Variants in TESK2 observed in about 807,000 individuals in gnomAD.
TESK2 encodes the protein dual specificity testis-specific protein kinase 2.
TESK2 carries 39 observed loss-of-function variants against 57.1 expected under a neutral mutation model. The observed-to-expected ratio is 0.68, with a 90% CI of 0.53 to 0.89. The LOEUF is 0.89. Ranked by LOEUF, TESK2 falls within the 40% of genes least tolerant of loss-of-function variation. The pLI, the probability that TESK2 is intolerant of heterozygous loss-of-function variation, is 0.00. For missense variants in TESK2, 646 were observed against 732.1 expected (o/e 0.88, Z 1.36); for synonymous variants, 249 against 267.9 (o/e 0.93, Z 0.69).
At chr1:45,384,482 C>T (rs1557551382) in intron 4 of TESK2, among the ~76,000 whole-genome samples, 1 of 150,972 alleles carries the variant, frequency 6.6e-6, no homozygotes, top group Non-Finnish European at 1.5e-5. Flanking sequence ...TGCAGTGGCA[C>T]AATCATGGCT....
chr1:45,413,154 C>T (rs1650101174), intron 3 of TESK2, among the ~76,000 whole-genome samples: 1 of 152,184 alleles, frequency 6.6e-6, no homozygotes, highest in Admixed American at 6.5e-5. Flanking sequence ...AACAATCAGT[C>T]CCTGCATTCA....
intron 4 of TESK2, among the ~76,000 whole-genome samples, chr1:45,378,159 A>G (rs1460048448): frequency 6.6e-6 from 1 of 152,218 alleles, no homozygotes; most frequent in African/African-American, 2.4e-5. Flanking sequence ...ATGAGTAACA[A>G]CTATTAATAT....
intron 1 of TESK2, among the ~76,000 whole-genome samples, chr1:45,465,458 A>C (rs1341018309): frequency 2.0e-5 from 3 of 150,296 alleles, no homozygotes; most frequent in Non-Finnish European, 3.0e-5. Context: ...AGATGGAAGG[A>C]AGGAAGGAAG....
intron 4 of TESK2, among the ~76,000 whole-genome samples, chr1:45,384,416 T>C (rs1287101022): frequency 2.0e-5 from 3 of 151,364 alleles, no homozygotes; most frequent in African/African-American, 7.3e-5. Context: ...TCTATCTATC[T>C]ATCTATCTAT....
intron 1 of TESK2, among the ~76,000 whole-genome samples, chr1:45,466,835 A>T (rs1652573549): frequency 6.6e-6 from 1 of 151,818 alleles, no homozygotes; most frequent in South Asian, 2.1e-4. Context: ...CTATCTGAAA[A>T]ATGAAAATAA....
intron 10 of TESK2, 98 bp downstream of exon 10, chr1:45,345,779 A>G: frequency 9.3e-7 from 1 of 1,072,136 alleles, no homozygotes. Flanking sequence ...TTGTTTCTGG[A>G]CCTGGGATCC....
chr1:45,349,724 T>C (rs1279289463), intron 5 of TESK2, among the ~76,000 whole-genome samples: 1 of 152,248 alleles, frequency 6.6e-6, no homozygotes, highest in Non-Finnish European at 1.5e-5. Context: ...GCCTCTTCAC[T>C]GGCAAGGAAT....
At chr1:45,387,739 C>T (rs1487101961) in intron 3 of TESK2, among the ~76,000 whole-genome samples, 1 of 152,122 alleles carries the variant, frequency 6.6e-6, no homozygotes, top group African/African-American at 2.4e-5. Flanking sequence ...CACATTTCAA[C>T]TAATGTGGAA....
intron 4 of TESK2, among the ~76,000 whole-genome samples, chr1:45,383,510 T>C (rs1013596201): frequency 4.6e-5 from 7 of 152,200 alleles, no homozygotes; most frequent in Non-Finnish European, 8.8e-5. Context: ...TATATGGCTA[T>C]AAAGAAGCTA....
chr1:45,381,000 T>G (rs1432949267), intron 4 of TESK2, among the ~76,000 whole-genome samples: 1 of 152,244 alleles, frequency 6.6e-6, no homozygotes, highest in Non-Finnish European at 1.5e-5. Context: ...CAGATGAACC[T>G]GGATGCAATC....
intron 2 of TESK2, among the ~76,000 whole-genome samples, chr1:45,454,890 A>C (rs959550186): frequency 7.9e-5 from 12 of 152,214 alleles, no homozygotes; most frequent in Admixed American, 1.3e-4. Flanking sequence ...ATTAACTCTA[A>C]CACAAATGGA....
chr1:45,452,047 A>AAAAAAAAAAAAAAAAAAAAAAAAT (rs1651894714), intron 2 of TESK2, among the ~76,000 whole-genome samples: 1 of 151,266 alleles, frequency 6.6e-6, no homozygotes. Context: ...AAAAAAAAAA[A>AAAAAAAAAAAAAAAAAAAAAAAAT]TTTATTTGGT....
chr1:45,375,646 C>G (rs1648388781), intron 4 of TESK2, among the ~76,000 whole-genome samples: 1 of 152,036 alleles, frequency 6.6e-6, no homozygotes, highest in Non-Finnish European at 1.5e-5. Context: ...GCCTGTAGTC[C>G]CAGTGCTTTG....
intron 4 of TESK2, among the ~76,000 whole-genome samples, chr1:45,381,100 T>C (rs1193948658): frequency 6.6e-6 from 1 of 152,240 alleles, no homozygotes; most frequent in Non-Finnish European, 1.5e-5. Flanking sequence ...GTGAGAATTA[T>C]AGTTAATATA....
At chr1:45,376,090 C>A (rs1241422165) in intron 4 of TESK2, among the ~76,000 whole-genome samples, 1 of 151,868 alleles carries the variant, frequency 6.6e-6, no homozygotes, top group Non-Finnish European at 1.5e-5. Flanking sequence ...ATAAAAATTA[C>A]TTTTTCCAAA....
chr1:45,470,993 G>C (rs958792283), intron 1 of TESK2, among the ~76,000 whole-genome samples: 7 of 152,196 alleles, frequency 4.6e-5, no homozygotes, highest in Non-Finnish European at 1.0e-4. Flanking sequence ...AGCACTTTGG[G>C]AAGCTGAGGC....
chr1:45,380,042 G>A (rs1299700333), intron 4 of TESK2, among the ~76,000 whole-genome samples: 2 of 152,066 alleles, frequency 1.3e-5, no homozygotes, highest in Non-Finnish European at 2.9e-5. Flanking sequence ...GGGACCATGG[G>A]CTTGTGCCAC....
chr1:45,367,089 G>C (rs1647952129), intron 4 of TESK2, among the ~76,000 whole-genome samples: 1 of 151,986 alleles, frequency 6.6e-6, no homozygotes, highest in Admixed American at 6.6e-5. Context: ...AGCCAACATT[G>C]CAACACTGCA....
intron 1 of TESK2, among the ~76,000 whole-genome samples, chr1:45,461,516 T>C (rs561919309): frequency 1.8e-4 from 27 of 152,218 alleles, no homozygotes; most frequent in Non-Finnish European, 3.1e-4. Context: ...ACTTCTTCCA[T>C]TTCATTATTA....
Sources: gnomAD v4.1 joint callset for allele counts (sites outside exome capture counted in the v4.1 genomes callset) on GRCh38, gnomAD v4.1.1 for gene constraint, MANE v1.5 for transcripts, NCBI Gene and HGNC (gene_info 2026-07-23, HGNC 2026-07-21) for gene names.